Variants in ELMO3 observed in about 807,000 individuals in gnomAD.
ELMO3 encodes engulfment and cell motility protein 3.
ELMO3 carries 81 observed loss-of-function variants against 89.0 expected under a neutral mutation model. The observed-to-expected ratio is 0.91, with a 90% CI of 0.76 to 1.09. ELMO3 has a LOEUF of 1.09. Among genes scored for constraint, ELMO3 ranks in the 50% least tolerant of loss-of-function variants. The pLI is 0.00. For missense variants in ELMO3, 959 were observed against 972.8 expected (o/e 0.99, Z 0.19); for synonymous variants, 406 against 400.6 (o/e 1.01, Z -0.16).
At position 67,203,440 on chromosome 16, in the gene ELMO3, A is replaced by AC; in HGVS notation, c.1863+34dup. On this transcript the variant is annotated intron_variant, in intron 18 of 19. Transcript: ENST00000393997. This position sits in a 1 kb window ranked among gnomAD's most constrained non-coding sequence, Gnocchi z 4.6. The stretch of plus-strand genomic sequence containing the variant: ...TACAGCGGGCCAGGGGCTCCTTCCC[A>AC]CCCGCCCCCGCCTACCCTGTCCCCT... The AC allele has an allele frequency of 2.2e-5, 30 of 1,383,586 alleles. No homozygotes were observed. The highest frequency in any genetic ancestry group is 3.5e-5 in the Admixed American group (2 of 57,248). 85.7% of individuals were successfully genotyped at this position (1,383,586 alleles called of 1,614,324 possible).
At position 67,201,411 on chromosome 16, in the gene ELMO3, G is replaced by A. The variant is rs2033105892; in HGVS notation, c.771G>A (p.Arg257=). ...RKHMLDYLWQ[R]NLRQFIYKNI... ...ACATGCTTGACTATCTTTGGCAGAG[G>A]AACCTTCGCCAGTTCATCTATAAGG... The change falls in exon 9 of 20, where the codon AGG becomes AGA. Residue 257 remains arginine (R), a synonymous_variant. Coordinates refer to ENST00000393997, the MANE Select transcript of ELMO3 (RefSeq NM_024712.5). 3.1e-6 allele frequency: 5 copies of A among 1,613,818 alleles called. No individual in the cohort carries two copies. Among genetic ancestry groups the A allele is most frequent in the Admixed American group, 1.7e-5 (1 of 59,982 alleles).
Position 67,200,204 on chromosome 16 carries a change from G to C in ELMO3, c.256G>C (p.Glu86Gln). Residue 86 changes from glutamate to glutamine, a missense_variant, in exon 5 of 20, where the codon GAG becomes CAG. Transcript: ENST00000393997. ...CCGTTCCTGCCAGGACCTTGAGGCT[G>C]AGCAGCTCTTGGGTGGGCTGCAGAG... Reference protein sequence around the residue: ...CLSTAPDLEAEQLLGGLQSNS... With the variant: ...CLSTAPDLEAQQLLGGLQSNS... 2 of 1,612,532 alleles carry C rather than the reference G, an allele frequency of 1.2e-6. No homozygotes were observed. The highest frequency in any genetic ancestry group is 1.7e-6 in the Non-Finnish European group (2 of 1,179,200).
chr16:67,202,281 C>T lies in ELMO3; in HGVS notation c.1258C>T (p.Pro420Ser). 6.2e-7 allele frequency: 1 copy of T among 1,609,156 alleles called. No individual in the cohort carries two copies. Among genetic ancestry groups the T allele is most frequent in the Non-Finnish European group, 8.5e-7 (1 of 1,176,856 alleles). The change falls in exon 13 of 20, where the codon CCC becomes TCC. Residue 420 changes from proline (P) to serine (S), a missense_variant. Coordinates refer to ENST00000393997, the MANE Select transcript of ELMO3 (RefSeq NM_024712.5). ...LLCELLRVGE[P>S]CSETAQDFSP... ...GTGTGAGCTGCTCCGTGTTGGGGAG[C>T]CCTGTGAGTGGCCTGGACTGGGCAC... is the stretch of plus-strand genomic sequence containing the variant.
Position 67,202,975 on chromosome 16 carries a change from TCCGCAAGATCA to T in ELMO3, c.1647_1657del (p.Phe549LeufsTer8). The T allele has an allele frequency of 6.2e-7, 1 of 1,607,586 alleles. No individual in the cohort carries two copies. On this transcript the variant is annotated frameshift_variant, in exon 16 of 20. Coordinates refer to ENST00000393997, the MANE Select transcript of ELMO3 (RefSeq NM_024712.5). LOFTEE classifies it high-confidence loss of function. ...CTCCGCCTCTGTGAGGGGACGCTCT[TCCGCAAGATCA>T]GCAGCCGGCGGCGCCAGGGTCTCTG...
At position 67,201,394 on chromosome 16, in the gene ELMO3, G is replaced by A. The variant is rs142253282; in HGVS notation, c.754G>A (p.Asp252Asn). 3.2e-5 allele frequency: 51 copies of A among 1,613,922 alleles called. 1 individual carries two copies. The East Asian group carries it at 7.6e-4, about 24-fold the overall frequency. The change falls in exon 9 of 20, where the codon GAC (aspartate) becomes AAC (asparagine). Residue 252 changes from aspartate (D) to asparagine (N), a missense_variant. Transcript: ENST00000393997. ...ASPVERKHML[D>N]YLWQRNLRQF... ...CTTTCTACCCCCTCAGCACATGCTT[G>A]ACTATCTTTGGCAGAGGAACCTTCG...
chr16:67,203,705 G>A lies in ELMO3; in HGVS notation c.1991G>A (p.Ser664Asn), dbSNP rs752688081. Residue 664 changes from serine (S) to asparagine (N), a missense_variant, in exon 20 of 20, where the codon AGT becomes AAT. Transcript: ENST00000393997. This position sits in a 1 kb window ranked among gnomAD's most constrained non-coding sequence, Gnocchi z 4.6. Reference protein sequence around the residue: ...WTDGLSALLGSPMGSEQTRLD... With the variant: ...WTDGLSALLGNPMGSEQTRLD... ...GATGGGCTCAGTGCCTTGCTGGGCA[G>A]TCCCATGGGCAGCGAGCAGACACGG... 4.3e-6 allele frequency: 7 copies of A among 1,613,772 alleles called. No individual in the cohort carries two copies. In the East Asian group the frequency reaches 1.6e-4, roughly 36 times the overall value.
chr16:67,201,661 G>A lies in ELMO3; in HGVS notation c.918+19G>A. On this transcript the variant is annotated intron_variant, in intron 10 of 19. Transcript: ENST00000393997. ...CAGCCAGGTGTGTGTCTTTGGTGAGGACAAGGCAGGGGGTGGCTTAGAGCT... is the reference window on the plus strand; with the variant it reads ...CAGCCAGGTGTGTGTCTTTGGTGAGAACAAGGCAGGGGGTGGCTTAGAGCT... The A allele has an allele frequency of 6.2e-7, 1 of 1,610,620 alleles. No homozygotes were observed. The highest frequency in any genetic ancestry group is 8.5e-7 in the Non-Finnish European group (1 of 1,179,858).
chr16:67,202,768 G>A lies in ELMO3; in HGVS notation c.1540G>A (p.Gly514Ser), dbSNP rs774884707. 3.7e-6 allele frequency: 6 copies of A among 1,613,494 alleles called. No individual in the cohort carries two copies. The highest frequency in any genetic ancestry group is 5.1e-6 in the Non-Finnish European group (6 of 1,179,960). The change falls in exon 15 of 20, where the codon GGC becomes AGC. Residue 514 changes from glycine to serine, a missense_variant. Physicochemically the swap from Gly to Ser is moderately conservative, Grantham distance 56. Coordinates refer to ENST00000393997, the MANE Select transcript of ELMO3 (RefSeq NM_024712.5). ...LRQTERLHQEGTLAPPILELR... is the reference protein window; with the variant it reads ...LRQTERLHQESTLAPPILELR... The stretch of plus-strand genomic sequence containing the variant: ...GCAGACTGAACGGCTGCACCAGGAG[G>A]GCACACTGGCTCCCCCTATACTGTG...
chr16:67,201,715 TC>T (rs2142220589), intron 10 of ELMO3, 26 bp from the exon 11 acceptor site: 1 of 1,607,448 alleles, frequency 6.2e-7, no homozygotes, highest in Non-Finnish European at 8.5e-7. Flanking sequence ...CTTGATCCCC[TC>T]CCCCGCCACC....
At chr16:67,199,886 C>T in intron 3 of ELMO3, 65 bp from the exon 4 acceptor site, 3 of 1,611,454 alleles carry the variant, frequency 1.9e-6, no homozygotes, top group Non-Finnish European at 2.5e-6. Flanking sequence ...CCCTCACCGA[C>T]ACCCCAGTTG....
chr16:67,199,180 A>G lies in ELMO3; in HGVS notation c.-147A>G, dbSNP rs2033034258. 1 of 1,610,416 alleles carries G rather than the reference A, an allele frequency of 6.2e-7. No individual in the cohort carries two copies. The highest frequency in any genetic ancestry group is 8.5e-7 in the Non-Finnish European group (1 of 1,179,648). On this transcript the variant is annotated 5_prime_UTR_variant, in exon 1 of 20. Coordinates refer to ENST00000393997, the MANE Select transcript of ELMO3 (RefSeq NM_024712.5). Reference sequence around the variant, plus strand: ...AAGGCCGCGTTGCATGGCCAGGAGCAGCAGTCTGGGCCGCGAGTGCGGGAC... The same window carrying G: ...AAGGCCGCGTTGCATGGCCAGGAGCGGCAGTCTGGGCCGCGAGTGCGGGAC...
Position 67,199,170 on chromosome 16 carries a change from G to A in ELMO3, c.-157G>A, listed in dbSNP as rs764202464. Reference sequence around the variant, plus strand: ...CTCCCTTGGGAAGGCCGCGTTGCATGGCCAGGAGCAGCAGTCTGGGCCGCG... The same window carrying A: ...CTCCCTTGGGAAGGCCGCGTTGCATAGCCAGGAGCAGCAGTCTGGGCCGCG... On this transcript the variant is annotated 5_prime_UTR_variant, in exon 1 of 20. The change abolishes an upstream ATG in the 5' untranslated region. Coordinates refer to ENST00000393997, the MANE Select transcript of ELMO3 (RefSeq NM_024712.5). The A allele has an allele frequency of 6.2e-7, 1 of 1,609,448 alleles. No individual in the cohort carries two copies. Among genetic ancestry groups the A allele is most frequent in the Non-Finnish European group, 8.5e-7 (1 of 1,179,408 alleles).
At chr16:67,201,058 T>A (rs2033093898) in intron 8 of ELMO3, 90 bp downstream of exon 8, 1 of 1,383,942 alleles carries the variant, frequency 7.2e-7, no homozygotes, top group African/African-American at 1.5e-5. Context: ...CCTTTTTTTT[T>A]TTTTTGAGAT....
At position 67,202,228 on chromosome 16, in the gene ELMO3, G is replaced by C. The variant is rs185614573; in HGVS notation, c.1205G>C (p.Arg402Pro). The change falls in exon 13 of 20, where the codon CGG becomes CCG. Residue 402 changes from arginine (R) to proline (P), a missense_variant. Transcript: ENST00000393997. ...GACAAGCACGAGTGCCCCTTTGCCC[G>C]GGGCAGCATCCAGCTGACGGTGCTG... Reference protein sequence around the residue: ...REDKHECPFARGSIQLTVLLC... With the variant: ...REDKHECPFAPGSIQLTVLLC... 1 of 1,605,100 alleles carries C rather than the reference G, an allele frequency of 6.2e-7. No homozygotes were observed. Among genetic ancestry groups the C allele is most frequent in the South Asian group, 1.1e-5 (1 of 90,510 alleles).
intron 1 of ELMO3, 32 bp downstream of exon 1, chr16:67,199,436 C>T (rs200498195): frequency 1.3e-6 from 2 of 1,599,674 alleles, no homozygotes; most frequent in Non-Finnish European, 1.7e-6. Flanking sequence ...CCATCTGCCC[C>T]ACTGCCCCAC....
rs2033178703 is a variant in ELMO3, at chr16:67,203,574, C to T, written c.1941C>T (p.Ser647=). The T allele has an allele frequency of 1.9e-6, 3 of 1,614,102 alleles. No individual in the cohort carries two copies. In the East Asian group the frequency reaches 6.7e-5, roughly 36 times the overall value. Residue 647 remains serine, a synonymous_variant, in exon 19 of 20, where the codon TCC becomes TCT. Coordinates refer to ENST00000393997, the MANE Select transcript of ELMO3 (RefSeq NM_024712.5). This position sits in a 1 kb window ranked among gnomAD's most constrained non-coding sequence, Gnocchi z 4.6. ...CGTACCTCAACTTCATTGCCCCCTC[C>T]AAGCGGGAGGTGAGTGTCCGCCAGG... ...EEAYLNFIAP[S]KREFYLWTDG...
At chr16:67,201,904 C>G in intron 11 of ELMO3, 31 bp downstream of exon 11, 1 of 1,602,956 alleles carries the variant, frequency 6.2e-7, no homozygotes, top group Non-Finnish European at 8.5e-7. Context: ...ACTCCCCACC[C>G]CTGCCTCAGC....
At chr16:67,199,652 C>A in intron 2 of ELMO3, 32 bp from the exon 3 acceptor site, 1 of 1,608,280 alleles carries the variant, frequency 6.2e-7, no homozygotes, top group South Asian at 1.1e-5. Flanking sequence ...GCGGCGCCCC[C>A]TGCCGGCCTC....
chr16:67,202,503 G>A lies in ELMO3; in HGVS notation c.1368G>A (p.Glu456=), dbSNP rs1193304626. The A allele has an allele frequency of 1.2e-6, 2 of 1,612,488 alleles. No homozygotes were observed. The highest frequency in any genetic ancestry group is 1.7e-5 in the Admixed American group (1 of 60,004). ...AGCTGTTGAATAAGACCTGGAAGGA[G>A]ATGCGGGCTACACAGGAGGACTTCG... The part of the protein sequence containing the change: ...GIQLLNKTWK[E]MRATQEDFDK... The change falls in exon 14 of 20, where the codon GAG becomes GAA. Residue 456 remains glutamate, a synonymous_variant. Transcript: ENST00000393997.
Sources: gnomAD v4.1 joint callset for allele counts on GRCh38, gnomAD v4.1.1 for gene constraint, Gnocchi (gnomAD v3.1) non-coding constraint, MANE v1.5 for transcripts, NCBI Gene and HGNC (gene_info 2026-07-23, HGNC 2026-07-21) for gene names.